The following ITGA11 variants were observed in gnomAD, a reference collection of about 807,000 sequenced individuals.
ITGA11 encodes integrin alpha-11.
ITGA11 carries 97 observed loss-of-function variants against 141.9 expected under a neutral mutation model. That is an observed-to-expected ratio of 0.68 (90% CI 0.58 to 0.81). The LOEUF is 0.81. Ranked by LOEUF, ITGA11 falls within the 30% of genes least tolerant of loss-of-function variation. The pLI is 0.00. For missense variants in ITGA11, 1,387 were observed against 1,559.2 expected (o/e 0.89, Z 1.86); for synonymous variants, 658 against 624.6 (o/e 1.05, Z -0.80).
At chr15:68,431,373 G>C (rs895135) in intron 1 of ITGA11, among the ~76,000 whole-genome samples, 1 of 152,124 alleles carries the variant, frequency 6.6e-6, no homozygotes, top group Non-Finnish European at 1.5e-5. Context: ...CCGGGTGTCA[G>C]GTAACGTTTC....
rs556387899 is a variant in ITGA11 at position 68,404,247 on chromosome 15, G to A, written c.53-1218C>T. On this transcript the variant is annotated intron_variant, in intron 1 of 29. Transcript: ENST00000315757. ...TGAGGTCCCAGTGGCCATGGGCGCC[G>A]GCACTGGGCTCCCCACTTCCCTCTG... 3.3e-5 allele frequency among the ~76,000 whole-genome samples: 5 copies of A among 152,190 alleles called. No homozygotes were observed. In the East Asian group the frequency reaches 5.8e-4, roughly 18 times the overall value.
At chr15:68,400,593 A>T (rs1256456013) in intron 2 of ITGA11, among the ~76,000 whole-genome samples, 1 of 104,892 alleles carries the variant, frequency 9.5e-6, no homozygotes, top group Non-Finnish European at 1.8e-5. Flanking sequence ...TATTTTATAT[A>T]TTATATATTA....
chr15:68,317,533 C>G (rs367843245), intron 20 of ITGA11, among the ~76,000 whole-genome samples, 170 bp from the exon 21 acceptor site: 12 of 152,244 alleles, frequency 7.9e-5, no homozygotes, highest in African/African-American at 2.9e-4. Flanking sequence ...CCCCAGAGGC[C>G]CCAGAGGCCA....
intron 10 of ITGA11, among the ~76,000 whole-genome samples, chr15:68,343,684 C>T (rs116557066): frequency 0.011 from 1,643 of 152,274 alleles, 33 homozygotes; most frequent in African/African-American, 0.037. Flanking sequence ...GCCAAACTCC[C>T]GAGAGTCCAC....
intron 1 of ITGA11, among the ~76,000 whole-genome samples, chr15:68,410,419 A>G (rs948532775): frequency 6.6e-6 from 1 of 152,230 alleles, no homozygotes; most frequent in African/African-American, 2.4e-5. Context: ...TTGGGCCCCA[A>G]GAATCTTCAC....
chr15:68,374,321 G>A (rs1336020611), intron 2 of ITGA11, among the ~76,000 whole-genome samples: 1 of 152,220 alleles, frequency 6.6e-6, no homozygotes, highest in Non-Finnish European at 1.5e-5. Flanking sequence ...TATAACAGCT[G>A]CTTAGACAGG....
chr15:68,328,176 C>A lies in ITGA11; in HGVS notation c.1988G>T (p.Gly663Val), dbSNP rs1894042038. Residue 663 changes from glycine to valine, a missense_variant, in exon 16 of 30, where the codon GGC becomes GTC. By Grantham distance (109) the Gly-to-Val change is moderately radical. Coordinates refer to ENST00000315757, the MANE Select transcript of ITGA11 (RefSeq NM_001004439.2). This position sits in a 1 kb window ranked among gnomAD's most constrained non-coding sequence, Gnocchi z 4.8. ...NIFHRDCKRSGRDATCLAAFL... is the reference protein window; with the variant it reads ...NIFHRDCKRSVRDATCLAAFL... ...GGCGGCCAGGCAGGTGGCATCCCTG[C>A]CACTGCGCTTGCAGTCTCTGTGGAA... 1 of 1,613,868 alleles carries A rather than the reference C, an allele frequency of 6.2e-7. No individual in the cohort carries two copies. The highest frequency in any genetic ancestry group is 1.3e-5 in the African/African-American group (1 of 75,016).
chr15:68,321,577 C>A lies in ITGA11; in HGVS notation c.2323-74G>T. The stretch of plus-strand genomic sequence containing the variant: ...CCCTCGCCCTCAATGTACACCAGCT[C>A]TGTCTCCACCACACTAGACATGGGC... On this transcript the variant is annotated intron_variant, in intron 18 of 29. Transcript: ENST00000315757. The surrounding 1 kb of genome is among the most constrained non-coding windows in gnomAD (Gnocchi z 4.9). 2 of 868,748 alleles carry A rather than the reference C, an allele frequency of 2.3e-6. No individual in the cohort carries two copies. Among genetic ancestry groups the A allele is most frequent in the Non-Finnish European group, 3.5e-6 (2 of 564,026 alleles). The allele number at this position is 868,748 out of a possible 1,614,324, so 53.8% of individuals were successfully genotyped here.
intron 23 of ITGA11, among the ~76,000 whole-genome samples, chr15:68,313,472 C>T (rs532764397): frequency 1.3e-5 from 2 of 152,232 alleles, no homozygotes; most frequent in Admixed American, 6.5e-5. Context: ...ACAGACCATG[C>T]ATCCACTTGT....
intron 2 of ITGA11, among the ~76,000 whole-genome samples, chr15:68,386,115 A>G (rs887342144): frequency 6.6e-6 from 1 of 152,158 alleles, no homozygotes; most frequent in Non-Finnish European, 1.5e-5. Flanking sequence ...AGTAGAAGAC[A>G]CTGTATCTAT....
chr15:68,352,216 A>G (rs1172511010), intron 7 of ITGA11, among the ~76,000 whole-genome samples: 1 of 149,928 alleles, frequency 6.7e-6, no homozygotes, highest in African/African-American at 2.5e-5. Context: ...TAATTGAGAC[A>G]GAGTCTCCCT....
Position 68,304,049 on chromosome 15 carries a change from C to G in ITGA11, c.3382-164G>C, listed in dbSNP as rs939115566. The stretch of plus-strand genomic sequence containing the variant: ...TGGGTGGACAGGCCAGCCAAGGCCT[C>G]AGGACGACCACTGCCTGAACAGCCG... On this transcript the variant is annotated intron_variant, in intron 28 of 29. Transcript: ENST00000315757. This position sits in a 1 kb window ranked among gnomAD's most constrained non-coding sequence, Gnocchi z 6.1. Among the ~76,000 whole-genome samples, 2 of 152,144 alleles carry G rather than the reference C, an allele frequency of 1.3e-5. No homozygotes were observed. The highest frequency in any genetic ancestry group is 2.9e-5 in the Non-Finnish European group (2 of 68,018).
intron 19 of ITGA11, among the ~76,000 whole-genome samples, chr15:68,320,775 C>A (rs182504061): frequency 6.6e-6 from 1 of 152,202 alleles, no homozygotes; most frequent in East Asian, 1.9e-4. Context: ...AATATGTGCT[C>A]CATTATCCTT....
At chr15:68,342,598 C>G (rs1159546058) in intron 10 of ITGA11, among the ~76,000 whole-genome samples, 5 of 152,246 alleles carry the variant, frequency 3.3e-5, no homozygotes, top group Non-Finnish European at 7.3e-5. Flanking sequence ...TGCGTGCTCC[C>G]AGGGTGTGTG....
chr15:68,398,393 A>G (rs1896375612), intron 2 of ITGA11, among the ~76,000 whole-genome samples: 1 of 151,406 alleles, frequency 6.6e-6, no homozygotes, highest in Admixed American at 6.6e-5. Context: ...CAAAGATCAA[A>G]AGAGACAAAG....
chr15:68,330,833 T>A, intron 15 of ITGA11, 148 bp downstream of exon 15: 1 of 818,948 alleles, frequency 1.2e-6, no homozygotes. Flanking sequence ...AAAGGAAATG[T>A]GTAAGCAAGA....
chr15:68,344,366 G>A (rs915380238), intron 10 of ITGA11, among the ~76,000 whole-genome samples: 2 of 152,102 alleles, frequency 1.3e-5, no homozygotes, highest in Admixed American at 1.3e-4. Context: ...CTCATTTTTT[G>A]TTGAATCAGA....
At chr15:68,357,059 C>T (rs1895091965) in intron 7 of ITGA11, 92 bp downstream of exon 7, 1 of 1,175,698 alleles carries the variant, frequency 8.5e-7, no homozygotes, top group Admixed American at 2.6e-5. Flanking sequence ...TCTCAAGGTA[C>T]TAAATTTTGT....
intron 1 of ITGA11, among the ~76,000 whole-genome samples, chr15:68,427,510 G>A (rs1397426967): frequency 1.3e-5 from 2 of 152,158 alleles, no homozygotes; most frequent in African/African-American, 2.4e-5. Flanking sequence ...GTGCTTCAGT[G>A]AAGGAGGAAG....
Sources: gnomAD v4.1 joint callset for allele counts (sites outside exome capture counted in the v4.1 genomes callset) on GRCh38, gnomAD v4.1.1 for gene constraint, Gnocchi (gnomAD v3.1) non-coding constraint, MANE v1.5 for transcripts, NCBI Gene and HGNC (gene_info 2026-07-23, HGNC 2026-07-21) for gene names.